Variants in SPINK6 observed in about 807,000 individuals in gnomAD.
The protein encoded by SPINK6 is serine protease inhibitor Kazal-type 6.
In SPINK6, 13 loss-of-function variants were observed where a neutral mutation model predicts 11.7. The ratio of observed to expected loss-of-function variants is 1.11; its 90% CI spans 0.72 to 1.76. SPINK6 has a LOEUF of 1.76. SPINK6 is among the 40% of genes most tolerant of loss of function. The probability of loss-of-function intolerance (pLI) is 0.00; values close to 1 mark genes in which losing one functional copy is unlikely to be tolerated. For missense variants in SPINK6, 98 were observed against 93.7 expected (o/e 1.05, Z -0.19); for synonymous variants, 21 against 31.9 (o/e 0.66, Z 1.15).
upstream of SPINK6, chr5:148,202,982 T>C (rs951763527): frequency 3.5e-5 from 24 of 684,998 alleles, no homozygotes; most frequent in African/African-American, 4.4e-4. Context: ...ATTAAATGCA[T>C]AAACTGCATA....
At chr5:148,209,216 C>T (rs1755537581) in intron 2 of SPINK6, among the ~76,000 whole-genome samples, 2 of 152,082 alleles carry the variant, frequency 1.3e-5, no homozygotes, top group African/African-American at 4.8e-5. Context: ...GTACCTATAA[C>T]TTAATTACAA....
rs1554112271 is a variant in SPINK6 at position 148,210,007 on chromosome 5, C to CATACGCACGTACGTATGT, written c.82-3901_82-3900insACGCACGTACGTATGTAT. Among the ~76,000 whole-genome samples, 4 of 105,734 alleles carry CATACGCACGTACGTATGT rather than the reference C, an allele frequency of 3.8e-5. 1 individual carries two copies. Among genetic ancestry groups the CATACGCACGTACGTATGT allele is most frequent in the Non-Finnish European group, 5.5e-5 (3 of 54,612 alleles). The allele number at this position is 105,734 out of a possible 152,430, so 69.4% of individuals were successfully genotyped here. On this transcript the variant is annotated intron_variant, in intron 2 of 3. Transcript: ENST00000325630. The stretch of plus-strand genomic sequence containing the variant: ...ATGTATACATATACACGTATGTATA[C>CATACGCACGTACGTATGT]ATGTATGTACGCATGTACGCATGCA...
chr5:148,209,871 A>T (rs1210899549), intron 2 of SPINK6, among the ~76,000 whole-genome samples: 3 of 99,708 alleles, frequency 3.0e-5, no homozygotes, highest in African/African-American at 8.6e-5. Flanking sequence ...AAAACAGAAT[A>T]CAAAACTAGT....
chr5:148,210,283 CATATATAT>C (rs1561732662), intron 2 of SPINK6, among the ~76,000 whole-genome samples: 3 of 19,652 alleles, frequency 1.5e-4, no homozygotes, highest in African/African-American at 5.0e-4. Context: ...TTTCTGCATA[CATATATAT>C]GTATGTTTCT....
At chr5:148,212,920 T>C (rs777765578) in intron 2 of SPINK6, among the ~76,000 whole-genome samples, 3 of 145,948 alleles carry the variant, frequency 2.1e-5, no homozygotes, top group African/African-American at 5.0e-5. Flanking sequence ...TAAGAGTATA[T>C]ATGTACTTTA....
At chr5:148,209,208 A>G (rs566693398) in intron 2 of SPINK6, among the ~76,000 whole-genome samples, 1 of 152,308 alleles carries the variant, frequency 6.6e-6, no homozygotes, top group Admixed American at 6.5e-5. Context: ...GTTATCTAGT[A>G]CCTATAACTT....
chr5:148,214,585 T>C (rs1755657995), intron 3 of SPINK6, among the ~76,000 whole-genome samples: 1 of 152,198 alleles, frequency 6.6e-6, no homozygotes, highest in Non-Finnish European at 1.5e-5. Flanking sequence ...AGAAAAAAAC[T>C]ATAGTCCCTT....
chr5:148,210,050 A>G (rs192774987), intron 2 of SPINK6, among the ~76,000 whole-genome samples: 3 of 73,552 alleles, frequency 4.1e-5, no homozygotes, highest in Non-Finnish European at 7.7e-5. Flanking sequence ...ATGTATGCAT[A>G]TATGTATGTA....
intron 2 of SPINK6, among the ~76,000 whole-genome samples, chr5:148,212,898 A>G (rs145782439): frequency 1.4e-3 from 209 of 144,404 alleles, no homozygotes; most frequent in Middle Eastern, 3.8e-3. Context: ...TAGTATCTAT[A>G]TGCTTTAGAG....
At chr5:148,212,610 ATATTTATATTAT>A (rs1015122342) in intron 2 of SPINK6, among the ~76,000 whole-genome samples, 1 of 106,644 alleles carries the variant, frequency 9.4e-6, no homozygotes, top group African/African-American at 3.9e-5. Flanking sequence ...TATATAATAT[ATATTTATATTAT>A]ATATTATATA....
At chr5:148,208,905 GT>G (rs1459466332) in intron 2 of SPINK6, among the ~76,000 whole-genome samples, 1 of 152,148 alleles carries the variant, frequency 6.6e-6, no homozygotes, top group Non-Finnish European at 1.5e-5. Context: ...ATCAGGCTCT[GT>G]ATTTGGGAAC....
chr5:148,205,993 C>T, intron 1 of SPINK6, 43 bp from the exon 2 acceptor site: 3 of 1,610,060 alleles, frequency 1.9e-6, no homozygotes, highest in Non-Finnish European at 2.5e-6. Flanking sequence ...ACTTTTTGTA[C>T]ATCAATGAAT....
intron 2 of SPINK6, among the ~76,000 whole-genome samples, chr5:148,207,225 C>T (rs1057365850): frequency 3.6e-4 from 55 of 152,226 alleles, no homozygotes; most frequent in African/African-American, 1.3e-3. Context: ...CAACACATTT[C>T]GTATCTCATT....
Position 148,215,064 on chromosome 5 carries a change from C to T in SPINK6, c.*114C>T. The T allele has an allele frequency of 9.9e-7, 1 of 1,013,618 alleles. No homozygotes were observed. Among genetic ancestry groups the T allele is most frequent in the Non-Finnish European group, 1.5e-6 (1 of 658,432 alleles). The allele number at this position is 1,013,618 out of a possible 1,614,324, so 62.8% of individuals were successfully genotyped here. A position where few individuals can be genotyped will look rare whatever the true frequency, so the allele number is the denominator to read the frequency against. On this transcript the variant is annotated 3_prime_UTR_variant, in exon 4 of 4. Transcript: ENST00000325630. ...ATTCATAAAGACATACCTACTCTGC[C>T]TGGGTCTTGAGGAGTTCAATGTATG...
intron 2 of SPINK6, among the ~76,000 whole-genome samples, chr5:148,212,488 A>ATATATAAAAAGTATATATTT (rs1554112539): frequency 2.3e-5 from 2 of 87,964 alleles, no homozygotes; most frequent in Non-Finnish European, 4.4e-5. Context: ...TTTTATATAT[A>ATATATAAAAAGTATATATTT]TATATATATA....
At chr5:148,202,898 G>A (rs767670341), upstream of SPINK6, 11 of 448,862 alleles carry the variant, frequency 2.5e-5, no homozygotes, top group African/African-American at 6.0e-5. Context: ...TCTGAGGTGC[G>A]ACACACATAA....
At chr5:148,204,263 T>C (rs1755470502) in intron 1 of SPINK6, among the ~76,000 whole-genome samples, 1 of 152,024 alleles carries the variant, frequency 6.6e-6, no homozygotes, top group African/African-American at 2.4e-5. Context: ...TGTGATATTA[T>C]GGAGTAAGCT....
chr5:148,209,949 CAT>C (rs1218446946), intron 2 of SPINK6, among the ~76,000 whole-genome samples: 1 of 151,226 alleles, frequency 6.6e-6, no homozygotes, highest in Non-Finnish European at 1.5e-5. Context: ...TAAAAGGTTT[CAT>C]ATATATGTAT....
chr5:148,203,212 AGTT>A, intron 1 of SPINK6, 58 bp downstream of exon 1: 1 of 1,238,820 alleles, frequency 8.1e-7, no homozygotes, highest in South Asian at 1.4e-5. Context: ...TATGATGAGT[AGTT>A]GTTTATCATA....
Sources: gnomAD v4.1 joint callset for allele counts (sites outside exome capture counted in the v4.1 genomes callset) on GRCh38, gnomAD v4.1.1 for gene constraint, MANE v1.5 for transcripts, NCBI Gene and HGNC (gene_info 2026-07-23, HGNC 2026-07-21) for gene names.